Variants in MTERF2 observed in about 807,000 individuals in gnomAD.
MTERF2 encodes the protein mitochondrial transcription termination factor 2, also known as transcription termination factor 2, mitochondrial.
In MTERF2, 23 loss-of-function variants were observed where a neutral mutation model predicts 29.2. The ratio of observed to expected loss-of-function variants is 0.79; its 90% CI spans 0.57 to 1.12. MTERF2 has a LOEUF of 1.12. MTERF2 is among the 50% of genes most tolerant of loss of function. The probability of loss-of-function intolerance (pLI) is 0.00; values close to 1 mark genes in which losing one functional copy is unlikely to be tolerated. For missense variants in MTERF2, 440 were observed against 429.4 expected (o/e 1.02, Z -0.22); for synonymous variants, 157 against 159.5 (o/e 0.98, Z 0.12).
chr12:106,986,053 A>C (rs141201056), intron 1 of MTERF2: 1 of 152,372 alleles, frequency 6.6e-6, no homozygotes, highest in African/African-American at 2.4e-5. Flanking sequence ...TTGGGAAGGC[A>C]GGAACTGAAC....
rs199812233 is a variant in MTERF2, at chr12:106,978,613, G to T, written c.102C>A (p.Thr34=). Residue 34 remains threonine, a synonymous_variant, in exon 3 of 3, where the codon ACC becomes ACA. Coordinates refer to ENST00000240050, the MANE Select transcript of MTERF2 (RefSeq NM_001033050.3). ...PKYRPFLACF[T]YTTDKQSSKE... ...TGCTCGACTGTTTATCAGTTGTATA[G>T]GTGAAGCATGCTAAGAAAGGTCTGT... 1 of 1,614,110 alleles carries T rather than the reference G, an allele frequency of 6.2e-7. No individual in the cohort carries two copies. Among genetic ancestry groups the T allele is most frequent in the Non-Finnish European group, 8.5e-7 (1 of 1,180,034 alleles).
Position 106,977,295 on chromosome 12 carries a change from C to T in MTERF2, c.*262G>A. The T allele has an allele frequency of 6.8e-6, 2 of 295,864 alleles. No homozygotes were observed. Among genetic ancestry groups the T allele is most frequent in the East Asian group, 6.6e-5 (1 of 15,068 alleles). 18.3% of individuals were successfully genotyped at this position (295,864 alleles called of 1,614,324 possible). A position where few individuals can be genotyped will look rare whatever the true frequency, so the allele number is the denominator to read the frequency against. The stretch of plus-strand genomic sequence containing the variant: ...GAAGTGATTCACTTATAAAGTATCA[C>T]ACTGATATGCCATTTAATAGTATAT... On this transcript the variant is annotated 3_prime_UTR_variant, in exon 3 of 3. Coordinates refer to ENST00000240050, the MANE Select transcript of MTERF2 (RefSeq NM_001033050.3).
chr12:106,984,553 G>A (rs1952088518), intron 2 of MTERF2, among the ~76,000 whole-genome samples: 1 of 152,064 alleles, frequency 6.6e-6, no homozygotes, highest in East Asian at 1.9e-4. Context: ...GTTTGGCTGT[G>A]TCCCCACCCA....
At position 106,977,948 on chromosome 12, in the gene MTERF2, A is replaced by C. The variant is rs377328061; in HGVS notation, c.767T>G (p.Phe256Cys). The change falls in exon 3 of 3, where the codon TTT becomes TGT. Residue 256 changes from phenylalanine to cysteine, a missense_variant. Transcript: ENST00000240050. ...QLLSKLKGFLFQLCPRSIQNS... is the reference protein window; with the variant it reads ...QLLSKLKGFLCQLCPRSIQNS... ...CTGTATACTTCTTGGGCAAAGTTGA[A>C]AAAGAAATCCTTTGAGTTTGGATAG... 87 of 1,614,052 alleles carry C rather than the reference A, an allele frequency of 5.4e-5. No homozygotes were observed. The highest frequency in any genetic ancestry group is 6.8e-5 in the Non-Finnish European group (80 of 1,180,028).
Position 106,977,761 on chromosome 12 carries a change from C to T in MTERF2, c.954G>A (p.Glu318=). ...REGISIAQIR[E]TPMVLELTPQ... ...GTGTTAATTCAAGAACCATTGGCGTCTCTCTTATCTGAGCTATGGAAATTC... is the reference window on the plus strand; with the variant it reads ...GTGTTAATTCAAGAACCATTGGCGTTTCTCTTATCTGAGCTATGGAAATTC... The change falls in exon 3 of 3, where the codon GAG becomes GAA. Residue 318 remains glutamate, a synonymous_variant. Transcript: ENST00000240050. The T allele has an allele frequency of 6.2e-7, 1 of 1,614,002 alleles. No homozygotes were observed. The highest frequency in any genetic ancestry group is 8.5e-7 in the Non-Finnish European group (1 of 1,179,974).
At chr12:106,981,645 T>A (rs1219444201) in intron 2 of MTERF2, among the ~76,000 whole-genome samples, 1 of 151,970 alleles carries the variant, frequency 6.6e-6, no homozygotes, top group Admixed American at 6.6e-5. Flanking sequence ...CTCAGCCTCC[T>A]GAGTAGCTGG....
chr12:106,980,311 G>A (rs2136794110), intron 2 of MTERF2, among the ~76,000 whole-genome samples: 1 of 152,288 alleles, frequency 6.6e-6, no homozygotes, highest in East Asian at 1.9e-4. Flanking sequence ...AAAATAGGAA[G>A]CTGCGAAGAA....
intron 2 of MTERF2, 141 bp downstream of exon 2, chr12:106,984,974 C>T (rs1289733344): frequency 6.6e-6 from 1 of 152,318 alleles, no homozygotes; most frequent in Non-Finnish European, 1.5e-5. Flanking sequence ...CCACTTTCTC[C>T]TTGAAATATT....
chr12:106,982,101 A>C (rs1221499639), intron 2 of MTERF2, among the ~76,000 whole-genome samples: 1 of 152,136 alleles, frequency 6.6e-6, no homozygotes, highest in African/African-American at 2.4e-5. Flanking sequence ...GTGCCTTGCC[A>C]TGGTCGATGT....
In MTERF2 at chr12:106,977,657, T is replaced by C. The variant is rs750007012; in HGVS notation, c.1058A>G (p.Asn353Ser). ...RIKDGHLANL[N>S]GSKKEFEANF... The stretch of plus-strand genomic sequence containing the variant: ...AGCTTCAAACTCTTTTTTTGATCCA[T>C]TTAGATTTGCTAGATGTCCATCCTT... The change falls in exon 3 of 3, where the codon AAT (asparagine) becomes AGT (serine). Residue 353 changes from asparagine (N) to serine (S), a missense_variant. Coordinates refer to ENST00000240050, the MANE Select transcript of MTERF2 (RefSeq NM_001033050.3). 2 of 1,614,006 alleles carry C rather than the reference T, an allele frequency of 1.2e-6. No homozygotes were observed. The highest frequency in any genetic ancestry group is 2.2e-5 in the East Asian group (1 of 44,840).
Position 106,977,379 on chromosome 12 carries a change from T to C in MTERF2, c.*178A>G, listed in dbSNP as rs913384314. ...ACCAACCTTATTAAAATAAATATGATTTATATTTTATAATATGGCACATGA... is the reference window on the plus strand; with the variant it reads ...ACCAACCTTATTAAAATAAATATGACTTATATTTTATAATATGGCACATGA... On this transcript the variant is annotated 3_prime_UTR_variant, in exon 3 of 3. Coordinates refer to ENST00000240050, the MANE Select transcript of MTERF2 (RefSeq NM_001033050.3). The C allele has an allele frequency of 1.7e-5, 8 of 465,292 alleles. No individual in the cohort carries two copies. The highest frequency in any genetic ancestry group is 5.3e-4 in the Middle Eastern group (1 of 1,904). 28.8% of individuals were successfully genotyped at this position (465,292 alleles called of 1,614,324 possible).
chr12:106,985,610 C>T (rs539148761), intron 1 of MTERF2: 2 of 152,376 alleles, frequency 1.3e-5, no homozygotes, highest in South Asian at 2.1e-4. Context: ...TGTCTCAACA[C>T]TACATGGACA....
chr12:106,985,658 A>G (rs914238025), intron 1 of MTERF2: 4 of 152,192 alleles, frequency 2.6e-5, no homozygotes, highest in Non-Finnish European at 4.4e-5. Flanking sequence ...CTGCTTCCCT[A>G]TCCTTCACCC....
intron 2 of MTERF2, among the ~76,000 whole-genome samples, chr12:106,984,433 T>C (rs1403344928): frequency 6.6e-6 from 1 of 152,228 alleles, no homozygotes; most frequent in Non-Finnish European, 1.5e-5. Context: ...CTTATCTCTT[T>C]TTTTTGTAGA....
At position 106,977,759 on chromosome 12, in the gene MTERF2, G is replaced by A. The variant is rs140100182; in HGVS notation, c.956C>T (p.Thr319Met). Reference sequence around the variant, plus strand: ...TGGTGTTAATTCAAGAACCATTGGCGTCTCTCTTATCTGAGCTATGGAAAT... The same window carrying A: ...TGGTGTTAATTCAAGAACCATTGGCATCTCTCTTATCTGAGCTATGGAAAT... The part of the protein sequence containing the change: ...EGISIAQIRE[T>M]PMVLELTPQI... The change falls in exon 3 of 3, where the codon ACG (threonine) becomes ATG (methionine). Residue 319 changes from threonine to methionine, a missense_variant. Physicochemically the swap from Thr to Met is moderately conservative, Grantham distance 81. Transcript: ENST00000240050. The A allele has an allele frequency of 5.0e-5, 81 of 1,613,740 alleles. No individual in the cohort carries two copies. Among genetic ancestry groups the A allele is most frequent in the Admixed American group, 1.5e-4 (9 of 59,998 alleles).
chr12:106,980,249 A>G (rs1256806857), intron 2 of MTERF2, among the ~76,000 whole-genome samples: 2 of 152,204 alleles, frequency 1.3e-5, no homozygotes, highest in African/African-American at 2.4e-5. Flanking sequence ...ATAAGGAATC[A>G]AAGACCCAAA....
At position 106,977,812 on chromosome 12, in the gene MTERF2, C is replaced by G; in HGVS notation, c.903G>C (p.Glu301Asp). ...LLYYSVPVLE[E>D]RMQGLLREGI... ...CTTCTCTCAATAATCCTTGCATTCT[C>G]TCTTCTAAAACTGGAACAGAATAAT... Residue 301 changes from glutamate to aspartate, a missense_variant, in exon 3 of 3, where the codon GAG becomes GAC. By Grantham distance (45) the Glu-to-Asp change is conservative. Transcript: ENST00000240050. 1.2e-6 allele frequency: 2 copies of G among 1,613,962 alleles called. No individual in the cohort carries two copies. Among genetic ancestry groups the G allele is most frequent in the Non-Finnish European group, 1.7e-6 (2 of 1,180,006 alleles).
At chr12:106,980,703 T>C (rs1400766661) in intron 2 of MTERF2, 1 of 152,298 alleles carries the variant, frequency 6.6e-6, no homozygotes, top group South Asian at 2.1e-4. Context: ...CTTCCCTCAC[T>C]CTTTACAGGT....
intron 1 of MTERF2, chr12:106,986,083 T>G (rs1302084851): frequency 1.3e-5 from 2 of 152,240 alleles, no homozygotes; most frequent in Non-Finnish European, 2.9e-5. Context: ...CTTTATTCCC[T>G]GCACCCAGCA....
Sources: allele counts gnomAD v4.1 joint callset (sites outside exome capture counted in the v4.1 genomes callset), GRCh38; gene constraint gnomAD v4.1.1; transcripts MANE v1.5; gene names NCBI Gene and HGNC (gene_info 2026-07-23, HGNC 2026-07-21).